VMA12: variants seen among roughly 807,000 people sequenced by gnomAD.
The protein encoded by VMA12 is vacuolar ATPase assembly factor VMA12, also known as vacuolar ATPase assembly protein VMA12.
At chr17:28,358,486 A>C in the VMA12 span, 2 of 472,966 alleles carry the variant, frequency 4.2e-6, no homozygotes, top group Admixed American at 2.3e-5. Context: ...GCCAGAAGTA[A>C]CATAGACCAG....
At chr17:28,357,808 T>C in the VMA12 span, 44 of 1,613,210 alleles carry the variant, frequency 2.7e-5, no homozygotes, top group African/African-American at 4.7e-4. Flanking sequence ...AGGGCGGTGA[T>C]AGCTCCAGTG....
chr17:28,358,460 G>A, the VMA12 span: 4 of 472,240 alleles, frequency 8.5e-6, no homozygotes, highest in African/African-American at 8.0e-5. Context: ...GGACAAACTA[G>A]CACATAAGGT....
At chr17:28,360,714 C>T in the VMA12 span, 2 of 1,611,264 alleles carry the variant, frequency 1.2e-6, no homozygotes, top group Middle Eastern at 1.7e-4. Flanking sequence ...TAAAGGTGCC[C>T]TCTCTGGCTC....
At chr17:28,359,264 T>C in the VMA12 span, 2 of 1,596,196 alleles carry the variant, frequency 1.3e-6, no homozygotes, top group Non-Finnish European at 1.7e-6. Flanking sequence ...TGTGATGTGC[T>C]TTCTAACAAG....
At chr17:28,358,313 G>A in the VMA12 span, 3 of 433,838 alleles carry the variant, frequency 6.9e-6, no homozygotes, top group Non-Finnish European at 4.8e-6. Flanking sequence ...TTTTAATATA[G>A]GATGGCAAAA....
At chr17:28,358,864 C>T in the VMA12 span, 2 of 1,490,118 alleles carry the variant, frequency 1.3e-6, no homozygotes, top group Non-Finnish European at 1.8e-6. Flanking sequence ...TGATCTTAAC[C>T]CTTCAACCTC....
the VMA12 span, chr17:28,361,310 A>T: frequency 2.0e-6 from 3 of 1,534,772 alleles, no homozygotes; most frequent in African/African-American, 4.1e-5. Context: ...TCCAATTGGC[A>T]GTCACCGACT....
chr17:28,359,056 C>A, the VMA12 span: 1 of 1,402,042 alleles, frequency 7.1e-7, no homozygotes, highest in Non-Finnish European at 9.8e-7. Context: ...ATACACTGAA[C>A]TTATAAATCA....
the VMA12 span, chr17:28,359,482 T>G: frequency 3.6e-6 from 5 of 1,406,106 alleles, no homozygotes; most frequent in Non-Finnish European, 5.0e-6. Context: ...ATACAGAGTT[T>G]AGAAAAAACA....
At chr17:28,361,140 G>A in the VMA12 span, 1 of 1,613,554 alleles carries the variant, frequency 6.2e-7, no homozygotes, top group South Asian at 1.1e-5. Flanking sequence ...CTTAAGCCTG[G>A]TTCTCCCCAT....
chr17:28,358,829 G>A, the VMA12 span: 1 of 1,024,624 alleles, frequency 9.8e-7, no homozygotes, highest in African/African-American at 1.6e-5. Flanking sequence ...TTTTATTTTG[G>A]TAGAAAGAAG....
the VMA12 span, chr17:28,361,895 A>T: frequency 1.3e-5 from 2 of 152,632 alleles, no homozygotes; most frequent in African/African-American, 4.8e-5. Flanking sequence ...AATGATCACT[A>T]TGGTCCTTCT....
the VMA12 span, chr17:28,358,310 A>G: frequency 2.3e-6 from 1 of 433,168 alleles, no homozygotes; most frequent in South Asian, 1.6e-5. Context: ...TTTTTTTAAT[A>G]TAGGATGGCA....
At chr17:28,358,061 A>C in the VMA12 span, 1 of 679,048 alleles carries the variant, frequency 1.5e-6, no homozygotes, top group African/African-American at 1.8e-5. Context: ...CGTGGATGAC[A>C]AATTTGCTTG....
At chr17:28,360,949 A>G in the VMA12 span, 1 of 1,054,492 alleles carries the variant, frequency 9.5e-7, no homozygotes, top group Non-Finnish European at 1.4e-6. Flanking sequence ...TATTGAACAG[A>G]TATTTATGCC....
chr17:28,358,568 T>C, the VMA12 span: 1 of 485,012 alleles, frequency 2.1e-6, no homozygotes, highest in Non-Finnish European at 4.2e-6. Flanking sequence ...TGCCTAGTAT[T>C]AGTGTCCTCT....
the VMA12 span, chr17:28,359,118 A>G: frequency 6.0e-6 from 6 of 1,001,028 alleles, no homozygotes; most frequent in Non-Finnish European, 7.3e-6. Context: ...TGGGGGAGCC[A>G]GATATTGTCC....
chr17:28,360,532 A>G, the VMA12 span: 2 of 1,613,994 alleles, frequency 1.2e-6, no homozygotes, highest in Non-Finnish European at 1.7e-6. Flanking sequence ...TTCCCAGGAT[A>G]CAAGACATGG....
the VMA12 span, chr17:28,357,961 C>G: frequency 6.8e-7 from 1 of 1,470,458 alleles, no homozygotes; most frequent in Non-Finnish European, 9.4e-7. Flanking sequence ...CATCATTCCC[C>G]TTCTTCTACG....
Sources: allele counts gnomAD v4.1 joint callset, GRCh38; gene constraint gnomAD v4.1.1; transcripts MANE v1.5; gene names NCBI Gene and HGNC (gene_info 2026-07-23, HGNC 2026-07-21).